WDR1: variants seen among roughly 807,000 people sequenced by gnomAD.
The protein encoded by WDR1 is WD repeat domain 1.
WDR1 carries 21 observed loss-of-function variants against 71.9 expected under a neutral mutation model. The observed-to-expected ratio is 0.29, with a 90% CI of 0.21 to 0.42. The LOEUF (loss-of-function observed/expected upper bound fraction) is 0.42, where lower values mean the gene tolerates loss of function less well. Among genes scored for constraint, WDR1 ranks in the 10% least tolerant of loss-of-function variants. WDR1 has a pLI of 1.00. For synonymous variants in WDR1, 424 were observed against 347.4 expected, an observed-to-expected ratio of 1.22 and a Z score of -2.45; for missense variants, 696 against 824.5, an observed-to-expected ratio of 0.84 and a Z score of 1.91.
At chr4:10,088,433 T>C (rs1036007149) in intron 6 of WDR1, 60 bp from the exon 7 acceptor site, 4 of 1,485,966 alleles carry the variant, frequency 2.7e-6, no homozygotes, top group Non-Finnish European at 3.7e-6. Flanking sequence ...GAGTAAGCAG[T>C]TTCTCCATGG....
In WDR1 at chr4:10,084,536, A is replaced by G. The variant is rs1765134803; in HGVS notation, c.952-6T>C. ...TGGATCGATTTACTGTGACCCTGTGAAGGAGACACACTGGGCGGGTAAGCT... is the reference window on the plus strand; with the variant it reads ...TGGATCGATTTACTGTGACCCTGTGGAGGAGACACACTGGGCGGGTAAGCT... On this transcript the variant is annotated splice_polypyrimidine_tract_variant and splice_region_variant and intron_variant, in intron 8 of 14. Coordinates refer to ENST00000499869, the MANE Select transcript of WDR1 (RefSeq NM_017491.5). 2 of 1,613,438 alleles carry G rather than the reference A, an allele frequency of 1.2e-6. No homozygotes were observed. The highest frequency in any genetic ancestry group is 1.7e-5 in the Admixed American group (1 of 59,988).
chr4:10,077,631 G>C, intron 13 of WDR1, 122 bp downstream of exon 13: 4 of 1,458,914 alleles, frequency 2.7e-6, no homozygotes, highest in Non-Finnish European at 3.6e-6. Flanking sequence ...CCTGCTACTT[G>C]TAGAGGCAAG....
intron 5 of WDR1, chr4:10,092,489 C>CT: frequency 6.5e-6 from 1 of 153,566 alleles, no homozygotes; most frequent in Non-Finnish European, 1.5e-5. Context: ...CCGACGCCTC[C>CT]CACAGGCTCT....
In WDR1 at chr4:10,075,245, G is replaced by T; in HGVS notation, c.*133C>A. ...GACACCCTGCAGAGACGAGGGTCAT[G>T]ACTGGGCCCTCCTGCCTCTTGTGGT... On this transcript the variant is annotated 3_prime_UTR_variant, in exon 15 of 15. Coordinates refer to ENST00000499869, the MANE Select transcript of WDR1 (RefSeq NM_017491.5). 2 of 723,184 alleles carry T rather than the reference G, an allele frequency of 2.8e-6. No homozygotes were observed. The highest frequency in any genetic ancestry group is 3.5e-4 in the Middle Eastern group (1 of 2,860). 44.8% of individuals were successfully genotyped at this position (723,184 alleles called of 1,614,324 possible).
At position 10,104,091 on chromosome 4, in the gene WDR1, C is replaced by T. The variant is rs186487326; in HGVS notation, c.139-105G>A. On this transcript the variant is annotated intron_variant, in intron 2 of 14. Transcript: ENST00000499869. Reference sequence around the variant, plus strand: ...GGTGAAAGGGGTGTACAAAGAAACACTGAAGCTAAAACCGTGAAGAAAACC... The same window carrying T: ...GGTGAAAGGGGTGTACAAAGAAACATTGAAGCTAAAACCGTGAAGAAAACC... 2.1e-4 allele frequency: 262 copies of T among 1,218,610 alleles called. No individual in the cohort carries two copies. In the African/African-American group the frequency reaches 3.4e-3, roughly 16 times the overall value. 75.5% of individuals were successfully genotyped at this position (1,218,610 alleles called of 1,614,324 possible). A position where few individuals can be genotyped will look rare whatever the true frequency, so the allele number is the denominator to read the frequency against.
intron 8 of WDR1, among the ~76,000 whole-genome samples, chr4:10,085,755 T>C (rs995215126): frequency 1.3e-4 from 20 of 152,210 alleles, no homozygotes; most frequent in Admixed American, 3.9e-4. Flanking sequence ...GCCAGCGCTT[T>C]TTAGAGCTCC....
Position 10,075,046 on chromosome 4 carries a change from C to T in WDR1, c.*332G>A, listed in dbSNP as rs770373137. On this transcript the variant is annotated 3_prime_UTR_variant, in exon 15 of 15. Coordinates refer to ENST00000499869, the MANE Select transcript of WDR1 (RefSeq NM_017491.5). The stretch of plus-strand genomic sequence containing the variant: ...CTCCCCTGACAGATAGTGAGAGCCG[C>T]GGCGGGGCCAGGGGCTCTGTGTGCT... 6.7e-5 allele frequency: 27 copies of T among 403,554 alleles called. No individual in the cohort carries two copies. Among genetic ancestry groups the T allele is most frequent in the Non-Finnish European group, 1.0e-4 (23 of 225,774 alleles). The allele number at this position is 403,554 out of a possible 1,614,324, so 25.0% of individuals were successfully genotyped here.
intron 2 of WDR1, among the ~76,000 whole-genome samples, chr4:10,111,800 A>T (rs1577080388): frequency 7.1e-6 from 1 of 140,158 alleles, no homozygotes; most frequent in African/African-American, 2.6e-5. Context: ...ACCCTCCCCA[A>T]CCCCCCACTT....
At chr4:10,114,125 G>A (rs1394950407) in intron 2 of WDR1, among the ~76,000 whole-genome samples, 2 of 152,090 alleles carry the variant, frequency 1.3e-5, no homozygotes, top group Non-Finnish European at 2.9e-5. Flanking sequence ...CAACTAACAA[G>A]AGACTCAGTG....
At position 10,075,323 on chromosome 4, in the gene WDR1, T is replaced by G. The variant is rs1018337824; in HGVS notation, c.*55A>C. 28 of 1,506,868 alleles carry G rather than the reference T, an allele frequency of 1.9e-5. No homozygotes were observed. Among genetic ancestry groups the G allele is most frequent in the Non-Finnish European group, 1.3e-5 (14 of 1,085,014 alleles). The allele number at this position is 1,506,868 out of a possible 1,614,324, so 93.3% of individuals were successfully genotyped here. Reference sequence around the variant, plus strand: ...GAAATAGAGAAATGACATGTTCCGCTGCAGTTAAACTCTAGTCCCTGATTC... The same window carrying G: ...GAAATAGAGAAATGACATGTTCCGCGGCAGTTAAACTCTAGTCCCTGATTC... On this transcript the variant is annotated 3_prime_UTR_variant, in exon 15 of 15. Transcript: ENST00000499869.
intron 8 of WDR1, 50 bp downstream of exon 8, chr4:10,087,657 C>A: frequency 1.3e-6 from 2 of 1,507,906 alleles, no homozygotes; most frequent in South Asian, 2.6e-5. Context: ...CCACTCTGGT[C>A]TCTTCCCTGT....
At chr4:10,104,959 A>G (rs1327288058) in intron 2 of WDR1, among the ~76,000 whole-genome samples, 1 of 151,238 alleles carries the variant, frequency 6.6e-6, no homozygotes, top group Non-Finnish European at 1.5e-5. Context: ...ACCCCTCCTC[A>G]AGACCTGAGG....
At chr4:10,116,350 G>T (rs377426881) in intron 1 of WDR1, 116 bp from the exon 2 acceptor site, 1 of 1,455,808 alleles carries the variant, frequency 6.9e-7, no homozygotes, top group Non-Finnish European at 9.3e-7. Flanking sequence ...GCGCCGGGAG[G>T]GCGGCCTCCA....
chr4:10,077,754 G>A lies in WDR1; in HGVS notation c.1568C>T (p.Ser523Leu), dbSNP rs181840543. 1.8e-4 allele frequency: 290 copies of A among 1,581,604 alleles called. No individual in the cohort carries two copies. In the East Asian group the frequency reaches 4.1e-3, roughly 22 times the overall value. Residue 523 changes from serine to leucine, a missense_variant and splice_region_variant, in exon 13 of 15, where the codon TCG becomes TTG. Coordinates refer to ENST00000499869, the MANE Select transcript of WDR1 (RefSeq NM_017491.5). ...VTVFSVADGY[S>L]ENNVFYGHHA... ...GAGGAGGAGCCCGCCGCCACTCACCGAGTAGCCGTCAGCAACGCTGAACAC... is the reference window on the plus strand; with the variant it reads ...GAGGAGGAGCCCGCCGCCACTCACCAAGTAGCCGTCAGCAACGCTGAACAC...
chr4:10,081,672 G>C (rs985226822), intron 10 of WDR1, among the ~76,000 whole-genome samples: 3 of 130,750 alleles, frequency 2.3e-5, no homozygotes, highest in African/African-American at 8.3e-5. Context: ...GTGGGGGGGG[G>C]GGAAGGAGGG....
At chr4:10,077,955 C>A in intron 12 of WDR1, 29 bp from the exon 13 acceptor site, 1 of 1,571,840 alleles carries the variant, frequency 6.4e-7, no homozygotes, top group Non-Finnish European at 8.6e-7. Context: ...GGAAGTGAGC[C>A]ACCCCTGAAC....
chr4:10,103,749 C>T lies in WDR1; in HGVS notation c.229+147G>A, dbSNP rs1475965973. ...TCAGCTGAAACTAATTATACTGGCTCCCCTCAACTCACCACCCCCAGCCTG... is the reference window on the plus strand; with the variant it reads ...TCAGCTGAAACTAATTATACTGGCTTCCCTCAACTCACCACCCCCAGCCTG... On this transcript the variant is annotated intron_variant, in intron 3 of 14. Transcript: ENST00000499869. 5.8e-6 allele frequency: 4 copies of T among 687,020 alleles called. No individual in the cohort carries two copies. The East Asian group carries it at 1.1e-4, about 19-fold the overall frequency. The allele number at this position is 687,020 out of a possible 1,614,324, so 42.6% of individuals were successfully genotyped here. A position where few individuals can be genotyped will look rare whatever the true frequency, so the allele number is the denominator to read the frequency against.
intron 5 of WDR1, chr4:10,091,931 T>A (rs796086432): frequency 7.2e-5 from 11 of 152,500 alleles, no homozygotes; most frequent in African/African-American, 2.6e-4. Flanking sequence ...CTAGACCCCC[T>A]GTTGGGCGGG....
At chr4:10,082,925 G>A (rs1437581849) in intron 10 of WDR1, 97 bp downstream of exon 10, 10 of 1,460,290 alleles carry the variant, frequency 6.8e-6, no homozygotes, top group Admixed American at 6.6e-5. Flanking sequence ...AAAGGAGCAA[G>A]TGAGGCGTCC....
Sources: allele counts gnomAD v4.1 joint callset (sites outside exome capture counted in the v4.1 genomes callset), GRCh38; gene constraint gnomAD v4.1.1; transcripts MANE v1.5; gene names NCBI Gene and HGNC (gene_info 2026-07-23, HGNC 2026-07-21).